NF1: variants seen among roughly 807,000 people sequenced by gnomAD.
The protein encoded by NF1 is neurofibromin.
Under a neutral mutation model 325.7 loss-of-function variants are expected in NF1, and 122 were observed. The observed-to-expected ratio is 0.37, with a 90% CI of 0.32 to 0.44. The LOEUF is 0.44. Among genes scored for constraint, NF1 ranks in the 20% least tolerant of loss-of-function variants. NF1 has a pLI of 1.00. For missense variants in NF1, 2,140 were observed against 3,415.4 expected, an observed-to-expected ratio of 0.63 and a Z score of 9.31; for synonymous variants, 1,091 against 1,186.0, an observed-to-expected ratio of 0.92 and a Z score of 1.65.
chr17:31,116,750 C>T (rs1913951413), intron 1 of NF1, among the ~76,000 whole-genome samples: 1 of 151,940 alleles, frequency 6.6e-6, no homozygotes, highest in African/African-American at 2.4e-5. Flanking sequence ...TCACTGCAAG[C>T]TCCGCATCTT....
Position 31,119,461 on chromosome 17 carries a change from GT to G in NF1, c.60+24104del, listed in dbSNP as rs1171839143. On this transcript the variant is annotated intron_variant, in intron 1 of 57. Coordinates refer to ENST00000358273, the MANE Select transcript of NF1 (RefSeq NM_001042492.3). ...ATATCCTTCGTCCACTTTTTGATGG[GT>G]TTTTTTTTTTTCTTGTAAATTTAAG... Among the ~76,000 whole-genome samples, 509 of 144,866 alleles carry G rather than the reference GT, an allele frequency of 3.5e-3. 3 individuals carry two copies. The highest frequency in any genetic ancestry group is 0.016 in the East Asian group (82 of 5,048).
chr17:31,179,520 A>G (rs915665402), intron 5 of NF1, among the ~76,000 whole-genome samples: 3 of 152,184 alleles, frequency 2.0e-5, no homozygotes, highest in Non-Finnish European at 4.4e-5. Flanking sequence ...TCAGAGCAGA[A>G]CTGAAGGAGA....
chr17:31,318,905 C>G, intron 36 of NF1: 1 of 1,613,958 alleles, frequency 6.2e-7, no homozygotes, highest in Non-Finnish European at 8.5e-7. Context: ...GTACTGTTAG[C>G]CCACAGACGG....
rs2151555941 is a variant in NF1 at position 31,337,372 on chromosome 17, G to A, written c.6432G>A (p.Glu2144=). Residue 2144 remains glutamate (E), a synonymous_variant, in exon 43 of 58, where the codon GAG becomes GAA. Transcript: ENST00000358273. ...TGTTCCTTTATTCTCTTACAGAAGAGACCAAGCAAGTTTTGAGACTCAGTC... is the reference window on the plus strand; with the variant it reads ...TGTTCCTTTATTCTCTTACAGAAGAAACCAAGCAAGTTTTGAGACTCAGTC... ...CTCSQLHFSE[E]TKQVLRLSLT... The A allele has an allele frequency of 1.9e-6, 3 of 1,612,834 alleles. No individual in the cohort carries two copies. The East Asian group carries it at 6.7e-5, about 36-fold the overall frequency.
At chr17:31,102,232 T>C (rs1227312568) in intron 1 of NF1, among the ~76,000 whole-genome samples, 1 of 152,246 alleles carries the variant, frequency 6.6e-6, no homozygotes. Flanking sequence ...TTTGTAATTT[T>C]GGATTTGTCA....
At chr17:31,270,379 C>T (rs147733087) in intron 36 of NF1, among the ~76,000 whole-genome samples, 17 of 152,240 alleles carry the variant, frequency 1.1e-4, no homozygotes, top group African/African-American at 3.9e-4. Flanking sequence ...GAGGCCAAGG[C>T]GGGGAAATCA....
chr17:31,291,973 C>T (rs979830035), intron 36 of NF1, among the ~76,000 whole-genome samples: 2 of 152,164 alleles, frequency 1.3e-5, no homozygotes, highest in Admixed American at 1.3e-4. Flanking sequence ...ATCCTCACAA[C>T]AACAACATTA....
intron 8 of NF1, 157 bp downstream of exon 8, chr17:31,182,822 A>C: frequency 1.5e-6 from 1 of 672,956 alleles, no homozygotes; most frequent in Non-Finnish European, 2.5e-6. Flanking sequence ...CTTAGAAGAG[A>C]CATACTCATA....
At chr17:31,126,258 T>C (rs1914880174) in intron 1 of NF1, among the ~76,000 whole-genome samples, 1 of 152,218 alleles carries the variant, frequency 6.6e-6, no homozygotes, top group Non-Finnish European at 1.5e-5. Context: ...TGAATCTGTA[T>C]TTCCTTGACT....
chr17:31,335,270 AT>A (rs2069618026), intron 40 of NF1, among the ~76,000 whole-genome samples: 1 of 39,332 alleles, frequency 2.5e-5, no homozygotes. Flanking sequence ...CCTTCAAGGC[AT>A]AATTATATAT....
chr17:31,221,090 T>C (rs2066913276), intron 14 of NF1, among the ~76,000 whole-genome samples: 1 of 151,912 alleles, frequency 6.6e-6, no homozygotes, highest in African/African-American at 2.4e-5. Context: ...TTCTGCTGGG[T>C]TGGGGGTGGA....
chr17:31,099,715 AC>A (rs1386657830), intron 1 of NF1, among the ~76,000 whole-genome samples: 1 of 151,764 alleles, frequency 6.6e-6, no homozygotes, highest in Non-Finnish European at 1.5e-5. Context: ...GCCCACCACC[AC>A]GCCTGCCTAA....
chr17:31,295,318 T>C, intron 36 of NF1: 7 of 1,614,162 alleles, frequency 4.3e-6, no homozygotes, highest in Non-Finnish European at 5.9e-6. Flanking sequence ...TCTCTGTGGA[T>C]GTATCTTCTG....
chr17:31,152,981 T>C (rs1170697896), intron 1 of NF1, among the ~76,000 whole-genome samples: 4 of 152,152 alleles, frequency 2.6e-5, no homozygotes. Flanking sequence ...TGTAGCTTTA[T>C]GTCTCTAGAG....
chr17:31,304,498 G>A, intron 36 of NF1: 1 of 1,614,172 alleles, frequency 6.2e-7, no homozygotes, highest in Non-Finnish European at 8.5e-7. Context: ...AGGGAGACTA[G>A]TAGAATCATT....
chr17:31,126,367 T>C (rs949888488), intron 1 of NF1, among the ~76,000 whole-genome samples: 3 of 152,292 alleles, frequency 2.0e-5, no homozygotes, highest in East Asian at 1.9e-4. Context: ...AGTGTCTGTA[T>C]ATACTTTTTG....
intron 51 of NF1, among the ~76,000 whole-genome samples, chr17:31,352,926 G>A (rs1345054541): frequency 6.6e-6 from 1 of 151,462 alleles, no homozygotes; most frequent in Non-Finnish European, 1.5e-5. Flanking sequence ...TTCTTTTCTT[G>A]ATATGAAGTC....
At chr17:31,265,183 G>A (rs2151469833) in intron 35 of NF1, 46 bp from the exon 36 acceptor site, 1 of 1,289,954 alleles carries the variant, frequency 7.8e-7, no homozygotes, top group East Asian at 2.3e-5. Flanking sequence ...TACATACTCA[G>A]TAGACAACAT....
At chr17:31,228,789 T>C (rs892124788) in intron 20 of NF1, among the ~76,000 whole-genome samples, 6 of 152,230 alleles carry the variant, frequency 3.9e-5, no homozygotes, top group Non-Finnish European at 8.8e-5. Context: ...GGTTCATCCA[T>C]GTGAAATCAA....
Sources: gnomAD v4.1 joint callset for allele counts (sites outside exome capture counted in the v4.1 genomes callset) on GRCh38, gnomAD v4.1.1 for gene constraint, MANE v1.5 for transcripts, NCBI Gene and HGNC (gene_info 2026-07-23, HGNC 2026-07-21) for gene names.